The following DIDO1 variants were observed in gnomAD, a reference collection of about 807,000 sequenced individuals.
DIDO1 encodes the protein death-inducer obliterator 1.
A neutral mutation model predicts 99.4 loss-of-function variants in DIDO1; 16 were observed. That is an observed-to-expected ratio of 0.16 (90% CI 0.11 to 0.24). The LOEUF is 0.24. DIDO1 is among the 10% of genes least tolerant of loss of function. The pLI, the probability that DIDO1 is intolerant of heterozygous loss-of-function variation, is 1.00. For synonymous variants in DIDO1, 1,366 were observed against 1,239.1 expected (o/e 1.10, Z -2.15); for missense variants, 2,996 against 3,014.0 (o/e 0.99, Z 0.14).
intron 6 of DIDO1, among the ~76,000 whole-genome samples, chr20:62,903,729 C>T (rs777729254): frequency 6.6e-6 from 1 of 152,212 alleles, no homozygotes; most frequent in African/African-American, 2.4e-5. Flanking sequence ...CATTCCCATC[C>T]TATACAAATT....
rs527726799 is a variant in DIDO1 at position 62,922,764 on chromosome 20, C to T, written c.-200+3675G>A. ...GCTTGGAGAGAAAGGCCCTCTTAGG[C>T]GAGTCTATTTGTCCGACATATTTGC... On this transcript the variant is annotated intron_variant, in intron 1 of 15. Coordinates refer to ENST00000395343, the MANE Select transcript of DIDO1 (RefSeq NM_001193369.2). Among the ~76,000 whole-genome samples the T allele has an allele frequency of 2.0e-4, 31 of 152,276 alleles. 1 individual carries two copies. Among genetic ancestry groups the T allele is most frequent in the Admixed American group, 1.8e-3 (27 of 15,300 alleles).
In DIDO1 at chr20:62,881,191, C is replaced by A. The variant is rs1196700070; in HGVS notation, c.4765G>T (p.Ala1589Ser). 2.5e-6 allele frequency: 4 copies of A among 1,607,164 alleles called. No homozygotes were observed. In the South Asian group the frequency reaches 3.3e-5, roughly 13 times the overall value. The change falls in exon 16 of 16, where the codon GCC (alanine) becomes TCC (serine). Residue 1589 changes from alanine (A) to serine (S), a missense_variant. Around this residue, in one of 5 missense-constraint regions of DIDO1, gnomAD observed 1,562 missense variants for 1,412.6 expected, o/e 1.11. Transcript: ENST00000395343. This position sits in a 1 kb window ranked among gnomAD's most constrained non-coding sequence, Gnocchi z 8.3. ...CTGGAAGCATCTCTCTCGGGCAGGG[C>A]ACCCTGGGCACCACGTGCCGAGAGC... ...SRLSARGAQG[A>S]LPERDASRGG... is the part of the protein sequence containing the mutation.
At chr20:62,893,643 C>G (rs2064447613) in intron 12 of DIDO1, 23 bp downstream of exon 12, 1 of 1,567,056 alleles carries the variant, frequency 6.4e-7, no homozygotes, top group Admixed American at 1.8e-5. Context: ...TTGGCTTGTT[C>G]AGACCACACC....
intron 1 of DIDO1, among the ~76,000 whole-genome samples, chr20:62,937,519 G>A (rs552777442): frequency 1.3e-5 from 2 of 152,358 alleles, no homozygotes; most frequent in South Asian, 2.1e-4. Flanking sequence ...TGAGGGCAGG[G>A]CCCTTCTGAT....
intron 1 of DIDO1, among the ~76,000 whole-genome samples, chr20:62,916,573 G>A (rs184352675): frequency 4.3e-4 from 65 of 152,270 alleles, no homozygotes; most frequent in African/African-American, 1.5e-3. Context: ...TTAAATGAAA[G>A]TTATTTCTAA....
In DIDO1 at chr20:62,894,361, A is replaced by G; in HGVS notation, c.2572+52T>C. The G allele has an allele frequency of 1.3e-6, 2 of 1,594,304 alleles. No individual in the cohort carries two copies. The highest frequency in any genetic ancestry group is 1.7e-6 in the Non-Finnish European group (2 of 1,171,618). On this transcript the variant is annotated intron_variant, in intron 11 of 15. Coordinates refer to ENST00000395343, the MANE Select transcript of DIDO1 (RefSeq NM_001193369.2). This position sits in a 1 kb window ranked among gnomAD's most constrained non-coding sequence, Gnocchi z 4.4. ...TTTAGGAGGTTCAGTGATTTTTAAC[A>G]AAATCAAGTTTAGTCTCAGCTCCAA...
chr20:62,888,292 G>A lies in DIDO1; in HGVS notation c.3541+2668C>T, dbSNP rs192358188. ...GGACGAGTCAGTCACTCTTTTCTGC[G>A]TGAATCTCTACCCCCAACAGGACCT... On this transcript the variant is annotated intron_variant, in intron 15 of 15. Transcript: ENST00000395343. 5.2e-4 allele frequency: 510 copies of A among 985,472 alleles called. 1 individual carries two copies. The highest frequency in any genetic ancestry group is 4.7e-4 in the Non-Finnish European group (389 of 829,964). 61.0% of individuals were successfully genotyped at this position (985,472 alleles called of 1,614,324 possible).
At chr20:62,882,566 C>G in intron 15 of DIDO1, 152 bp from the exon 16 acceptor site, 1 of 750,936 alleles carries the variant, frequency 1.3e-6, no homozygotes. Flanking sequence ...AAGACAGTTG[C>G]AAAAGCCTGG....
rs375011305 is a variant in DIDO1 at position 62,896,365 on chromosome 20, C to T, written c.2082G>A (p.Met694Ile). ...KRVNDSDDLI[M>I]TENEVGKIAL... ...CAATTTTTCCTACTTCGTTTTCTGT[C>T]ATGATTAAGTCATCGCTGTCATTGA... Residue 694 changes from methionine (M) to isoleucine (I), a missense_variant, in exon 8 of 16, where the codon ATG becomes ATA. Physicochemically the swap from Met to Ile is conservative, Grantham distance 10. Around this residue, in one of 5 missense-constraint regions of DIDO1, gnomAD observed 898 missense variants for 972.7 expected, o/e 0.92. Transcript: ENST00000395343. The surrounding 1 kb of genome is among the most constrained non-coding windows in gnomAD (Gnocchi z 4.4). 1.9e-6 allele frequency: 3 copies of T among 1,614,064 alleles called. No individual in the cohort carries two copies. The highest frequency in any genetic ancestry group is 3.3e-5 in the Admixed American group (2 of 59,998).
At position 62,894,983 on chromosome 20, in the gene DIDO1, G is replaced by A. The variant is rs1342731932; in HGVS notation, c.2331+66C>T. 2.4e-5 allele frequency: 39 copies of A among 1,594,994 alleles called. No individual in the cohort carries two copies. Among genetic ancestry groups the A allele is most frequent in the South Asian group, 1.7e-4 (15 of 90,486 alleles). ...GGAGGAAAGCATCGCTTATGCAGCCGTCTATGAATTTATTTCTATTAAGCT... is the reference window on the plus strand; with the variant it reads ...GGAGGAAAGCATCGCTTATGCAGCCATCTATGAATTTATTTCTATTAAGCT... On this transcript the variant is annotated intron_variant, in intron 9 of 15. Transcript: ENST00000395343. The surrounding 1 kb of genome is among the most constrained non-coding windows in gnomAD (Gnocchi z 4.4).
intron 3 of DIDO1, 47 bp from the exon 4 acceptor site, chr20:62,910,067 G>T (rs2147498294): frequency 6.4e-7 from 1 of 1,567,748 alleles, no homozygotes; most frequent in East Asian, 2.3e-5. Context: ...TGAGTGACAA[G>T]CACTTTTCAA....
At position 62,879,846 on chromosome 20, in the gene DIDO1, C is replaced by T. The variant is rs1240374274; in HGVS notation, c.6110G>A (p.Arg2037Gln). 2.5e-6 allele frequency: 4 copies of T among 1,601,714 alleles called. No homozygotes were observed. The highest frequency in any genetic ancestry group is 1.3e-5 in the African/African-American group (1 of 74,372). ...CCCGGCCTCCTCCCAGCGGTCCTTC[C>T]GGTGCTGCGGGGGGTGGCTGGGAAG... ...LELPSHPPQHRKDRWEEAGPP... is the reference protein window; with the variant it reads ...LELPSHPPQHQKDRWEEAGPP... The change falls in exon 16 of 16, where the codon CGG (arginine) becomes CAG (glutamine). Residue 2037 changes from arginine (R) to glutamine (Q), a missense_variant. By Grantham distance (43) the Arg-to-Gln change is conservative (BLOSUM62 1). This residue lies in a region of DIDO1 where 1,562 missense variants were observed against 1,412.6 expected (regional missense o/e 1.11). Transcript: ENST00000395343. This position sits in a 1 kb window ranked among gnomAD's most constrained non-coding sequence, Gnocchi z 6.3.
intron 15 of DIDO1, among the ~76,000 whole-genome samples, chr20:62,882,976 G>C (rs1046786138): frequency 7.2e-6 from 1 of 139,058 alleles, no homozygotes; most frequent in East Asian, 2.3e-4. Context: ...AGGCTGGAGC[G>C]CAGTGGCGCG....
At position 62,886,963 on chromosome 20, in the gene DIDO1, C is replaced by A. The variant is rs866906588; in HGVS notation, c.3541+3997G>T. On this transcript the variant is annotated intron_variant, in intron 15 of 15. Transcript: ENST00000395343. ...TCCAACTGGGAATCTCTAAGACCTG[C>A]ACAAAGCCACTGGGTCCAGCACGTC... Among the ~76,000 whole-genome samples the A allele has an allele frequency of 1.4e-4, 21 of 152,250 alleles. No individual in the cohort carries two copies. The South Asian group carries it at 2.9e-3, about 21-fold the overall frequency.
chr20:62,929,586 C>T (rs1422300856), upstream of DIDO1, among the ~76,000 whole-genome samples: 4 of 151,302 alleles, frequency 2.6e-5, no homozygotes, highest in African/African-American at 9.7e-5. Context: ...GTGCCCGGCG[C>T]GCCGGGGGCT....
intron 1 of DIDO1, among the ~76,000 whole-genome samples, chr20:62,922,107 T>TACACACACACAC (rs1281359081): frequency 1.5e-5 from 1 of 66,182 alleles, no homozygotes; most frequent in Non-Finnish European, 3.1e-5. Flanking sequence ...ACACTATATA[T>TACACACACACAC]ATACACACAC....
intron 1 of DIDO1, among the ~76,000 whole-genome samples, chr20:62,921,892 T>TATATATATATCCACA (rs945125573): frequency 6.7e-6 from 1 of 149,366 alleles, no homozygotes; most frequent in Non-Finnish European, 1.5e-5. Flanking sequence ...ATATACACAC[T>TATATATATATCCACA]ATATATATAT....
At chr20:62,930,331 T>C (rs1348216625), upstream of DIDO1, among the ~76,000 whole-genome samples, 2 of 152,046 alleles carry the variant, frequency 1.3e-5, no homozygotes, top group Non-Finnish European at 2.9e-5. Context: ...ACCCACTCAA[T>C]GAATTCCGCT....
At chr20:62,887,242 G>A in intron 15 of DIDO1, 1 of 985,246 alleles carries the variant, frequency 1.0e-6, no homozygotes, top group Non-Finnish European at 1.2e-6. Flanking sequence ...ATTGATTTAG[G>A]AGGAGAAGGC....
Sources: gnomAD v4.1 joint callset for allele counts (sites outside exome capture counted in the v4.1 genomes callset) on GRCh38, gnomAD v4.1.1 for gene constraint, gnomAD v4.1.1 regional missense constraint, Gnocchi (gnomAD v3.1) non-coding constraint, MANE v1.5 for transcripts, NCBI Gene and HGNC (gene_info 2026-07-23, HGNC 2026-07-21) for gene names.